The following KDM4A variants were observed in gnomAD, a reference collection of about 807,000 sequenced individuals.
The protein encoded by KDM4A is lysine-specific demethylase 4A.
Under a neutral mutation model 127.1 loss-of-function variants are expected in KDM4A, and 23 were observed. The observed-to-expected ratio is 0.18, with a 90% CI of 0.13 to 0.26. The LOEUF is 0.26. Among genes scored for constraint, KDM4A ranks in the 10% least tolerant of loss-of-function variants. KDM4A has a pLI of 1.00. For synonymous variants in KDM4A, 443 were observed against 466.5 expected, an observed-to-expected ratio of 0.95 and a Z score of 0.65; for missense variants, 890 against 1,329.1, an observed-to-expected ratio of 0.67 and a Z score of 5.14.
rs944419304 is a variant in KDM4A, at chr1:43,704,640, T to C, written c.*270T>C. On this transcript the variant is annotated 3_prime_UTR_variant, in exon 22 of 22. Coordinates refer to ENST00000372396, the MANE Select transcript of KDM4A (RefSeq NM_014663.3). ...CTGTGGCTGCACTGGCCCCAGTCCA[T>C]AGAGGGGTCAACTATGCTGGCTGGA... The C allele has an allele frequency of 2.2e-6, 1 of 453,192 alleles. No homozygotes were observed. The highest frequency in any genetic ancestry group is 4.2e-5 in the East Asian group (1 of 23,748). The allele number at this position is 453,192 out of a possible 1,614,324, so 28.1% of individuals were successfully genotyped here. A position where few individuals can be genotyped will look rare whatever the true frequency, so the allele number is the denominator to read the frequency against.
rs1322977053 is a variant in KDM4A at position 43,663,882 on chromosome 1, C to T, written c.623+795C>T. Among the ~76,000 whole-genome samples, 3 of 152,154 alleles carry T rather than the reference C, an allele frequency of 2.0e-5. No homozygotes were observed. The East Asian group carries it at 5.8e-4, about 29-fold the overall frequency. On this transcript the variant is annotated intron_variant, in intron 5 of 21. Coordinates refer to ENST00000372396, the MANE Select transcript of KDM4A (RefSeq NM_014663.3). ...CTCCTGGGCTCAAGCAGTCCTCCTA[C>T]TTCAGCCTTGCAAAGTGCTAGGATT...
chr1:43,692,721 G>C (rs1465379351), intron 16 of KDM4A, among the ~76,000 whole-genome samples: 2 of 152,212 alleles, frequency 1.3e-5, no homozygotes, highest in Non-Finnish European at 2.9e-5. Context: ...GCTCAGACCT[G>C]CTGTTTGGAA....
chr1:43,669,016 G>C, intron 9 of KDM4A, 84 bp from the exon 10 acceptor site: 1 of 1,408,964 alleles, frequency 7.1e-7, no homozygotes, highest in South Asian at 1.2e-5. Context: ...CATTCACTTT[G>C]GGTTGTGTGT....
chr1:43,690,751 G>A (rs552232559), intron 13 of KDM4A, 94 bp from the exon 14 acceptor site: 10 of 1,170,056 alleles, frequency 8.5e-6, no homozygotes, highest in South Asian at 6.1e-5. Flanking sequence ...TAGTCAGATC[G>A]GTAAGAGAGC....
intron 18 of KDM4A, among the ~76,000 whole-genome samples, chr1:43,697,521 C>T (rs569922676): frequency 3.8e-4 from 58 of 152,298 alleles, no homozygotes; most frequent in African/African-American, 1.4e-3. Context: ...GATGTCAGTT[C>T]TTGGCAAGAT....
chr1:43,662,545 T>C (rs1226524758), intron 4 of KDM4A, among the ~76,000 whole-genome samples: 2 of 152,158 alleles, frequency 1.3e-5, no homozygotes, highest in African/African-American at 4.8e-5. Flanking sequence ...AGGCGGAGGT[T>C]GCAGTGAGCC....
rs1336104403 is a variant in KDM4A, at chr1:43,662,949, A to G, written c.485A>G (p.Lys162Arg). 1.2e-6 allele frequency: 2 copies of G among 1,614,098 alleles called. No individual in the cohort carries two copies. Among genetic ancestry groups the G allele is most frequent in the Non-Finnish European group, 1.7e-6 (2 of 1,179,986 alleles). Residue 162 changes from lysine to arginine, a missense_variant, in exon 5 of 22, where the codon AAG (lysine) becomes AGG (arginine). Physicochemically the swap from Lys to Arg is conservative, Grantham distance 26. Coordinates refer to ENST00000372396, the MANE Select transcript of KDM4A (RefSeq NM_014663.3). ...RLRTILDLVE[K>R]ESGITIEGVN... is the part of the protein sequence containing the mutation. ...AGAACAATCCTGGACTTGGTGGAAA[A>G]GGAGAGTGGGATCACCATTGAGGGT...
intron 20 of KDM4A, 102 bp downstream of exon 20, chr1:43,703,838 G>A: frequency 2.0e-6 from 3 of 1,500,122 alleles, no homozygotes; most frequent in East Asian, 4.5e-5. Context: ...GAACTAATAG[G>A]TTGGTAACCC....
At chr1:43,691,131 C>T in intron 14 of KDM4A, 82 bp downstream of exon 14, 1 of 1,373,664 alleles carries the variant, frequency 7.3e-7, no homozygotes, top group Non-Finnish European at 1.0e-6. Context: ...CTCCTGGCCT[C>T]CCAGCCCCAA....
At chr1:43,661,544 G>A (rs975939592) in intron 4 of KDM4A, among the ~76,000 whole-genome samples, 2 of 139,066 alleles carry the variant, frequency 1.4e-5, no homozygotes, top group African/African-American at 5.4e-5. Context: ...GGGAGGCAGA[G>A]CTTGCAGTGA....
intron 18 of KDM4A, among the ~76,000 whole-genome samples, chr1:43,696,873 G>C (rs1362984110): frequency 6.6e-6 from 1 of 152,006 alleles, no homozygotes; most frequent in African/African-American, 2.4e-5. Context: ...CTATATGCCA[G>C]GCACAGTTTT....
intron 3 of KDM4A, among the ~76,000 whole-genome samples, chr1:43,659,667 T>C (rs974329505): frequency 6.6e-6 from 1 of 152,266 alleles, no homozygotes; most frequent in Non-Finnish European, 1.5e-5. Context: ...GATATAAATA[T>C]GCGTATATGT....
chr1:43,683,963 T>G (rs1660915144), intron 12 of KDM4A, among the ~76,000 whole-genome samples, 159 bp downstream of exon 12: 1 of 152,240 alleles, frequency 6.6e-6, no homozygotes, highest in African/African-American at 2.4e-5. Flanking sequence ...TCCTTATATC[T>G]AATTGACTAA....
intron 3 of KDM4A, among the ~76,000 whole-genome samples, chr1:43,659,610 C>T (rs540982138): frequency 2.6e-5 from 4 of 152,288 alleles, no homozygotes; most frequent in South Asian, 4.1e-4. Flanking sequence ...GTGAGCCACA[C>T]CCCTGGCCAA....
At chr1:43,695,280 G>T (rs893899671) in intron 18 of KDM4A, among the ~76,000 whole-genome samples, 1 of 152,198 alleles carries the variant, frequency 6.6e-6, no homozygotes, top group Non-Finnish European at 1.5e-5. Flanking sequence ...ACCATGAATT[G>T]CCAGACAGTA....
At chr1:43,702,048 A>G (rs1661410719) in intron 19 of KDM4A, 2 of 152,236 alleles carry the variant, frequency 1.3e-5, no homozygotes, top group African/African-American at 4.8e-5. Flanking sequence ...AATAACAACT[A>G]GTAGAGCTTA....
intron 19 of KDM4A, among the ~76,000 whole-genome samples, chr1:43,700,653 C>T (rs571516669): frequency 6.6e-6 from 1 of 151,902 alleles, no homozygotes; most frequent in Non-Finnish European, 1.5e-5. Flanking sequence ...AACTCCTGGG[C>T]TCAAGCGATT....
chr1:43,690,975 C>T lies in KDM4A; in HGVS notation c.2168C>T (p.Ser723Phe). 1 of 1,614,242 alleles carries T rather than the reference C, an allele frequency of 6.2e-7. No individual in the cohort carries two copies. Among genetic ancestry groups the T allele is most frequent in the Non-Finnish European group, 8.5e-7 (1 of 1,180,040 alleles). ...STGCSTDINL[S>F]TPYLEEDGTS... Reference sequence around the variant, plus strand: ...GGCTGCAGCACGGACATCAACCTTTCTACTCCTTATCTTGAGGAGGATGGC... The same window carrying T: ...GGCTGCAGCACGGACATCAACCTTTTTACTCCTTATCTTGAGGAGGATGGC... The change falls in exon 14 of 22, where the codon TCT (serine) becomes TTT (phenylalanine). Residue 723 changes from serine (S) to phenylalanine (F), a missense_variant. Ser to Phe is a radical substitution (Grantham distance 155). Transcript: ENST00000372396.
rs2154049727 is a variant in KDM4A, at chr1:43,703,752, C to T, written c.2961+16C>T. The T allele has an allele frequency of 6.2e-7, 1 of 1,613,916 alleles. No homozygotes were observed. The highest frequency in any genetic ancestry group is 8.5e-7 in the Non-Finnish European group (1 of 1,179,884). The stretch of plus-strand genomic sequence containing the variant: ...AATGTACCAGGTATCCAAAGTTCTA[C>T]CTTTCTAGGGAGTGGGGGGTGCTTG... On this transcript the variant is annotated intron_variant, in intron 20 of 21. Coordinates refer to ENST00000372396, the MANE Select transcript of KDM4A (RefSeq NM_014663.3).
Sources: allele counts gnomAD v4.1 joint callset (sites outside exome capture counted in the v4.1 genomes callset), GRCh38; gene constraint gnomAD v4.1.1; transcripts MANE v1.5; gene names NCBI Gene and HGNC (gene_info 2026-07-23, HGNC 2026-07-21).